DLGAP2: variants seen among roughly 807,000 people sequenced by gnomAD.
DLGAP2 encodes the protein disks large-associated protein 2.
In DLGAP2, 26 loss-of-function variants were observed where a neutral mutation model predicts 100.3. That is an observed-to-expected ratio of 0.26 (90% CI 0.19 to 0.36). DLGAP2 has a LOEUF of 0.36. DLGAP2 is among the 10% of genes least tolerant of loss of function. The pLI is 1.00. For missense variants in DLGAP2, 1,858 were observed against 1,453.2 expected, an observed-to-expected ratio of 1.28 and a Z score of -4.53; for synonymous variants, 886 against 630.1, an observed-to-expected ratio of 1.41 and a Z score of -6.08.
intron 2 of DLGAP2, among the ~76,000 whole-genome samples, chr8:1,043,872 T>A (rs1329449700): frequency 6.6e-6 from 1 of 152,076 alleles, no homozygotes; most frequent in East Asian, 1.9e-4. Context: ...GAAGCAAGCG[T>A]GCCTCGCTGC....
At chr8:1,294,643 C>A (rs1045560486) in intron 3 of DLGAP2, among the ~76,000 whole-genome samples, 2 of 152,060 alleles carry the variant, frequency 1.3e-5, no homozygotes, top group East Asian at 3.9e-4. Flanking sequence ...TTATCTGTTA[C>A]CAAATGTTTA....
Position 1,184,103 on chromosome 8 carries a change from G to A in DLGAP2, c.74-74748G>A, listed in dbSNP as rs183887915. ...TTTGCGTTGTGTTTGGGGAAGCAGC[G>A]TGTTTGCATTGTGTTTAAAGCCACT... On this transcript the variant is annotated intron_variant, in intron 2 of 14. Transcript: ENST00000637795. Among the ~76,000 whole-genome samples the A allele has an allele frequency of 6.2e-3, 942 of 152,306 alleles. 4 individuals carry two copies. Among genetic ancestry groups the A allele is most frequent in the Admixed American group, 0.011 (168 of 15,310 alleles).
intron 1 of DLGAP2, among the ~76,000 whole-genome samples, chr8:747,566 G>C (rs1820656891): frequency 7.1e-6 from 1 of 141,622 alleles, no homozygotes; most frequent in South Asian, 2.4e-4. Context: ...GGGGGTGGGG[G>C]GCTCTGCAGC....
Position 881,677 on chromosome 8 carries a change from A to ATATATATATATATG in DLGAP2, c.19-26235_19-26234insTATATATATATATG, listed in dbSNP as rs1563077089. Among the ~76,000 whole-genome samples the ATATATATATATATG allele has an allele frequency of 1.5e-3, 76 of 50,476 alleles. 1 individual carries two copies. The highest frequency in any genetic ancestry group is 4.9e-3 in the African/African-American group (74 of 15,238). The allele number at this position is 50,476 out of a possible 152,430, so 33.1% of individuals were successfully genotyped here. On this transcript the variant is annotated intron_variant, in intron 1 of 14. Coordinates refer to ENST00000637795, the MANE Select transcript of DLGAP2 (RefSeq NM_001346810.2). Reference sequence around the variant, plus strand: ...ACCACTTGTGGCTGAACACACACACACACACTTTTTTTTTTTTTTTTAGTA... The same window carrying ATATATATATATATG: ...ACCACTTGTGGCTGAACACACACACATATATATATATATGCACACTTTTTTTTTTTTTTTTAGTA...
At position 976,217 on chromosome 8, in the gene DLGAP2, G is replaced by A. The variant is rs186606522; in HGVS notation, c.73+68251G>A. Among the ~76,000 whole-genome samples, 6 of 152,260 alleles carry A rather than the reference G, an allele frequency of 3.9e-5. No individual in the cohort carries two copies. In the East Asian group the frequency reaches 1.2e-3, roughly 29 times the overall value. Reference sequence around the variant, plus strand: ...TTTCACGATAATAAGTACAAAGTTGGAGGGATGACTTCGAGACTTATTAGA... The same window carrying A: ...TTTCACGATAATAAGTACAAAGTTGAAGGGATGACTTCGAGACTTATTAGA... On this transcript the variant is annotated intron_variant, in intron 2 of 14. Transcript: ENST00000637795.
chr8:1,689,998 TG>T (rs1222415394), intron 12 of DLGAP2, among the ~76,000 whole-genome samples: 92 of 152,190 alleles, frequency 6.0e-4, no homozygotes, highest in Non-Finnish European at 5.9e-5. Flanking sequence ...TTGAGGATCA[TG>T]GTGAGCTAGG....
At chr8:1,658,109 G>T (rs1010234186) in intron 8 of DLGAP2, among the ~76,000 whole-genome samples, 1 of 152,150 alleles carries the variant, frequency 6.6e-6, no homozygotes, top group East Asian at 1.9e-4. Flanking sequence ...TACATAGTTC[G>T]CAAAAAGACT....
intron 2 of DLGAP2, among the ~76,000 whole-genome samples, chr8:1,069,014 C>T (rs187444031): frequency 1.4e-4 from 22 of 152,248 alleles, no homozygotes; most frequent in African/African-American, 5.3e-4. Context: ...TAATGGAAAC[C>T]CAGTCTGGGT....
At chr8:1,475,773 C>G (rs868489416) in intron 3 of DLGAP2, among the ~76,000 whole-genome samples, 6 of 152,142 alleles carry the variant, frequency 3.9e-5, no homozygotes, top group Non-Finnish European at 8.8e-5. Flanking sequence ...TTACTGTTCA[C>G]CAACTATTCA....
chr8:1,672,762 C>T (rs1157927724), intron 10 of DLGAP2, among the ~76,000 whole-genome samples: 3 of 152,206 alleles, frequency 2.0e-5, no homozygotes, highest in South Asian at 2.1e-4. Flanking sequence ...CAGGCAGGGC[C>T]GGCCACTCAC....
chr8:1,013,596 G>GGT (rs1801361197), intron 2 of DLGAP2, among the ~76,000 whole-genome samples: 2 of 148,908 alleles, frequency 1.3e-5, no homozygotes, highest in Admixed American at 6.6e-5. Context: ...ACGGACAGAC[G>GGT]GCGCCTCCAC....
chr8:1,269,538 C>T (rs1799537376), intron 3 of DLGAP2, among the ~76,000 whole-genome samples: 1 of 152,180 alleles, frequency 6.6e-6, no homozygotes. Context: ...AACCCTGAAA[C>T]CCCGTATTAT....
At chr8:1,206,895 G>C (rs1036967694) in intron 2 of DLGAP2, among the ~76,000 whole-genome samples, 1 of 152,030 alleles carries the variant, frequency 6.6e-6, no homozygotes, top group African/African-American at 2.4e-5. Flanking sequence ...TCCCCGGTCT[G>C]CCCCCGGCCC....
chr8:1,267,588 T>TAAAAA (rs1259205393), intron 3 of DLGAP2, among the ~76,000 whole-genome samples: 1 of 33,972 alleles, frequency 2.9e-5, no homozygotes. Flanking sequence ...TAAAATAAAA[T>TAAAAA]AAGATAAGAT....
intron 2 of DLGAP2, among the ~76,000 whole-genome samples, chr8:974,078 GAAAGA>G (rs1248827693): frequency 6.6e-6 from 1 of 152,048 alleles, no homozygotes; most frequent in Non-Finnish European, 1.5e-5. Flanking sequence ...AGAGAAGAAA[GAAAGA>G]AAAGAAAAGA....
intron 2 of DLGAP2, among the ~76,000 whole-genome samples, chr8:1,191,293 C>A (rs1014477005): frequency 2.0e-5 from 3 of 151,312 alleles, no homozygotes; most frequent in African/African-American, 7.3e-5. Flanking sequence ...GCCTCAGCCT[C>A]CCGAGTAGCT....
chr8:1,496,060 G>C (rs1246637916), intron 3 of DLGAP2, among the ~76,000 whole-genome samples: 2 of 152,128 alleles, frequency 1.3e-5, no homozygotes, highest in Non-Finnish European at 2.9e-5. Context: ...CTGATACATA[G>C]AGAATGTAAA....
intron 2 of DLGAP2, among the ~76,000 whole-genome samples, chr8:1,248,184 G>C (rs62489187): frequency 2.9e-4 from 9 of 31,326 alleles, no homozygotes; most frequent in African/African-American, 1.5e-3. Flanking sequence ...CGGTGGCCGG[G>C]AAGACCTTTG....
chr8:1,663,225 G>T (rs981752053), intron 8 of DLGAP2, among the ~76,000 whole-genome samples: 2 of 151,878 alleles, frequency 1.3e-5, no homozygotes, highest in Non-Finnish European at 2.9e-5. Context: ...TGAGTGTGGG[G>T]TGTGAGTGTG....
Sources: allele counts gnomAD v4.1 joint callset (sites outside exome capture counted in the v4.1 genomes callset), GRCh38; gene constraint gnomAD v4.1.1; transcripts MANE v1.5; gene names NCBI Gene and HGNC (gene_info 2026-07-23, HGNC 2026-07-21).